The following TSG101 variants were observed in gnomAD, a reference collection of about 807,000 sequenced individuals.
TSG101 encodes tumor susceptibility gene 101 protein.
A neutral mutation model predicts 48.5 loss-of-function variants in TSG101; 19 were observed. The observed-to-expected ratio is 0.39, with a 90% CI of 0.27 to 0.58. The LOEUF is 0.58. TSG101 is among the 20% of genes least tolerant of loss of function. The pLI is 0.55. For synonymous variants in TSG101, 174 were observed against 169.4 expected, an observed-to-expected ratio of 1.03 and a Z score of -0.21; for missense variants, 365 against 484.4, an observed-to-expected ratio of 0.75 and a Z score of 2.31.
At chr11:18,482,127 C>T (rs774185883) in intron 8 of TSG101, among the ~76,000 whole-genome samples, 8 of 152,292 alleles carry the variant, frequency 5.3e-5, no homozygotes, top group South Asian at 2.1e-4. Context: ...CACCTGTCAG[C>T]GACAAATGAT....
At chr11:18,490,956 C>A (rs746661550) in intron 7 of TSG101, 85 of 300,856 alleles carry the variant, frequency 2.8e-4, no homozygotes, top group Non-Finnish European at 4.8e-4. Flanking sequence ...TTTATCCAGT[C>A]GTTCCCGTGG....
At chr11:18,485,515 T>C (rs1408042153) in intron 7 of TSG101, among the ~76,000 whole-genome samples, 3 of 152,204 alleles carry the variant, frequency 2.0e-5, no homozygotes, top group Non-Finnish European at 4.4e-5. Context: ...AGAAAAGGCC[T>C]CAGATGGTTA....
intron 4 of TSG101, among the ~76,000 whole-genome samples, chr11:18,512,603 C>A (rs902054881): frequency 6.6e-6 from 1 of 151,828 alleles, no homozygotes; most frequent in Non-Finnish European, 1.5e-5. Flanking sequence ...AAATTGTATG[C>A]TAGACATTGT....
At chr11:18,504,698 C>A (rs899273569) in intron 6 of TSG101, among the ~76,000 whole-genome samples, 7 of 152,182 alleles carry the variant, frequency 4.6e-5, no homozygotes, top group African/African-American at 1.7e-4. Flanking sequence ...TCTAAGCCTA[C>A]AGATATTAAC....
At chr11:18,509,963 T>C (rs781092260) in intron 4 of TSG101, among the ~76,000 whole-genome samples, 5 of 152,210 alleles carry the variant, frequency 3.3e-5, no homozygotes, top group African/African-American at 9.6e-5. Flanking sequence ...ATTTATTTTA[T>C]TGCCACTGTA....
chr11:18,486,651 C>T (rs1257253541), intron 7 of TSG101, among the ~76,000 whole-genome samples: 2 of 151,312 alleles, frequency 1.3e-5, no homozygotes, highest in Non-Finnish European at 3.0e-5. Flanking sequence ...GAAATAGGAA[C>T]ACTTTTACAC....
rs1466262315 is a variant in TSG101, at chr11:18,525,625, A to T, written c.42+1150T>A. The T allele has an allele frequency of 5.2e-6, 5 of 956,884 alleles. No individual in the cohort carries two copies. In the South Asian group the frequency reaches 1.9e-4, roughly 37 times the overall value. The allele number at this position is 956,884 out of a possible 1,614,324, so 59.3% of individuals were successfully genotyped here. ...TAAAACAATATACCGTTTTTTTCAA[A>T]AAGTGATATATAAAAGTTACAACAT... is the stretch of plus-strand genomic sequence containing the variant. On this transcript the variant is annotated intron_variant, in intron 1 of 9. Transcript: ENST00000251968.
intron 6 of TSG101, among the ~76,000 whole-genome samples, chr11:18,504,982 C>G (rs546019608): frequency 6.6e-6 from 1 of 152,144 alleles, no homozygotes; most frequent in Admixed American, 6.5e-5. Context: ...TCTCTGCTTA[C>G]CTATCCAAAG....
intron 7 of TSG101, among the ~76,000 whole-genome samples, chr11:18,502,267 A>ATC (rs1439491676): frequency 2.0e-5 from 3 of 152,246 alleles, no homozygotes; most frequent in Non-Finnish European, 2.9e-5. Context: ...TGTGATCAAA[A>ATC]GAAAGATTGA....
rs1269141306 is a variant in TSG101, at chr11:18,488,123, C to T, written c.641-4051G>A. Among the ~76,000 whole-genome samples, 7 of 152,212 alleles carry T rather than the reference C, an allele frequency of 4.6e-5. No individual in the cohort carries two copies. The East Asian group carries it at 1.4e-3, about 29-fold the overall frequency. On this transcript the variant is annotated intron_variant, in intron 7 of 9. Coordinates refer to ENST00000251968, the MANE Select transcript of TSG101 (RefSeq NM_006292.4). ...AGGCAGAATACTGGTTAAGGAAAAA[C>T]AAAGCAAGAAAAGAGCTACCAGATA...
intron 5 of TSG101, among the ~76,000 whole-genome samples, chr11:18,509,108 G>A (rs897516126): frequency 1.3e-5 from 2 of 152,198 alleles, no homozygotes; most frequent in African/African-American, 4.8e-5. Flanking sequence ...ATGTCCAATT[G>A]TGTATACCCA....
At chr11:18,481,449 CA>C in intron 9 of TSG101, 180 bp downstream of exon 9, 1 of 1,399,842 alleles carries the variant, frequency 7.1e-7, no homozygotes, top group Non-Finnish European at 9.3e-7. Context: ...CTGCTCAGAC[CA>C]ATCCTCAGTA....
chr11:18,511,224 C>T (rs1347128207), intron 4 of TSG101: 1 of 152,216 alleles, frequency 6.6e-6, no homozygotes, highest in Non-Finnish European at 1.5e-5. Flanking sequence ...ACTCAACAAT[C>T]TTCCTGCTTC....
intron 9 of TSG101, 135 bp downstream of exon 9, chr11:18,481,495 T>C (rs1180911990): frequency 6.9e-7 from 1 of 1,451,654 alleles, no homozygotes; most frequent in African/African-American, 1.4e-5. Flanking sequence ...AAACCCTACA[T>C]CTCATTTAGT....
At chr11:18,488,058 G>C (rs1326267333) in intron 7 of TSG101, among the ~76,000 whole-genome samples, 1 of 152,170 alleles carries the variant, frequency 6.6e-6, no homozygotes, top group Non-Finnish European at 1.5e-5. Flanking sequence ...AACCACAGGT[G>C]TGCTTGCTAG....
intron 7 of TSG101, among the ~76,000 whole-genome samples, chr11:18,487,169 G>T (rs981830567): frequency 1.3e-5 from 2 of 149,924 alleles, no homozygotes; most frequent in Non-Finnish European, 3.0e-5. Flanking sequence ...GTTAAATGAC[G>T]AGTTAGTAGG....
At chr11:18,515,995 T>A in intron 3 of TSG101, 104 bp downstream of exon 3, 2 of 966,242 alleles carry the variant, frequency 2.1e-6, no homozygotes, top group Non-Finnish European at 3.0e-6. Flanking sequence ...TATATCAGCA[T>A]CAAAGCCCTG....
chr11:18,519,929 T>TACCATATAATTCACAC (rs1244327126), intron 1 of TSG101, among the ~76,000 whole-genome samples: 2 of 152,226 alleles, frequency 1.3e-5, no homozygotes, highest in Non-Finnish European at 2.9e-5. Flanking sequence ...ATAATTCACA[T>TACCATATAATTCACAC]ACCATATAAT....
chr11:18,518,828 A>G (rs1270181982), intron 2 of TSG101, among the ~76,000 whole-genome samples: 1 of 152,150 alleles, frequency 6.6e-6, no homozygotes, highest in African/African-American at 2.4e-5. Flanking sequence ...TCTTCATGCA[A>G]TGAAACTCAA....
Sources: gnomAD v4.1 joint callset for allele counts (sites outside exome capture counted in the v4.1 genomes callset) on GRCh38, gnomAD v4.1.1 for gene constraint, MANE v1.5 for transcripts, NCBI Gene and HGNC (gene_info 2026-07-23, HGNC 2026-07-21) for gene names.